Variants in AFG2A observed in about 807,000 individuals in gnomAD.
AFG2A encodes the protein AAA ATPase AFG2A, also known as ATPase family gene 2 protein homolog A.
chr4:123,069,894 T>C, the AFG2A span, among the ~76,000 whole-genome samples: 1 of 152,188 alleles, frequency 6.6e-6, no homozygotes, highest in South Asian at 2.1e-4. Context: ...AAATCTCTAT[T>C]AGGAGTGTAT....
the AFG2A span, among the ~76,000 whole-genome samples, chr4:123,286,662 C>T: frequency 3.3e-5 from 5 of 152,096 alleles, no homozygotes; most frequent in African/African-American, 1.2e-4. Flanking sequence ...TGGGAAACAT[C>T]ACTTTTTCAC....
chr4:123,006,887 G>T, the AFG2A span, among the ~76,000 whole-genome samples: 1 of 92,202 alleles, frequency 1.1e-5, no homozygotes, highest in African/African-American at 3.6e-5. Context: ...CTGTTTCTTT[G>T]CATGCTTGTT....
the AFG2A span, among the ~76,000 whole-genome samples, chr4:123,169,378 C>T: frequency 6.6e-6 from 1 of 152,192 alleles, no homozygotes; most frequent in Non-Finnish European, 1.5e-5. Context: ...ATATTTTAAA[C>T]TATTAATCAT....
chr4:123,029,211 C>T, the AFG2A span, among the ~76,000 whole-genome samples: 1 of 152,176 alleles, frequency 6.6e-6, no homozygotes, highest in South Asian at 2.1e-4. Context: ...CATTCTCCTG[C>T]CTCAGCCTCC....
At chr4:123,115,444 C>T in the AFG2A span, among the ~76,000 whole-genome samples, 1 of 152,152 alleles carries the variant, frequency 6.6e-6, no homozygotes, top group Admixed American at 6.5e-5. Context: ...GAAGCGGGCG[C>T]CACTCCCGCT....
chr4:123,293,607 C>T, the AFG2A span, among the ~76,000 whole-genome samples: 1 of 152,160 alleles, frequency 6.6e-6, no homozygotes, highest in Non-Finnish European at 1.5e-5. Context: ...GGATCCTGAG[C>T]AGAACAAAGT....
At chr4:122,947,589 C>T in the AFG2A span, 1 of 1,298,084 alleles carries the variant, frequency 7.7e-7, no homozygotes, top group Non-Finnish European at 1.0e-6. Flanking sequence ...ATGGAAGTAG[C>T]TTTGTTTCTA....
chr4:123,069,869 A>G, the AFG2A span, among the ~76,000 whole-genome samples: 1 of 152,236 alleles, frequency 6.6e-6, no homozygotes, highest in Non-Finnish European at 1.5e-5. Context: ...ACAATCTCCT[A>G]GTAATACAGC....
chr4:122,974,164 A>G, the AFG2A span, among the ~76,000 whole-genome samples: 1 of 151,866 alleles, frequency 6.6e-6, no homozygotes, highest in African/African-American at 2.4e-5. Flanking sequence ...TTATAATATT[A>G]AATATACTTT....
At chr4:123,156,280 T>TA in the AFG2A span, among the ~76,000 whole-genome samples, 1 of 152,062 alleles carries the variant, frequency 6.6e-6, no homozygotes, top group Non-Finnish European at 1.5e-5. Flanking sequence ...GAAGTTGTAA[T>TA]ATAGAAGTTT....
chr4:122,928,790 A>G, the AFG2A span, among the ~76,000 whole-genome samples: 224 of 152,194 alleles, frequency 1.5e-3, 8 homozygotes, highest in South Asian at 0.045. Flanking sequence ...CTGTGGGATC[A>G]TTCTTGATCT....
the AFG2A span, among the ~76,000 whole-genome samples, chr4:123,283,361 AG>A: frequency 2.1e-5 from 1 of 46,896 alleles, no homozygotes; most frequent in Non-Finnish European, 7.6e-5. Context: ...AAAAAAAAAG[AG>A]AGAGAGAGAG....
At chr4:122,937,173 A>C in the AFG2A span, among the ~76,000 whole-genome samples, 1 of 152,078 alleles carries the variant, frequency 6.6e-6, no homozygotes, top group South Asian at 2.1e-4. Context: ...CAAAATCAAA[A>C]CAGTGGTAGA....
At chr4:123,083,074 T>C in the AFG2A span, among the ~76,000 whole-genome samples, 2 of 152,160 alleles carry the variant, frequency 1.3e-5, no homozygotes, top group Non-Finnish European at 2.9e-5. Context: ...TTCACACTTT[T>C]TACATAGATG....
At chr4:123,066,828 G>A in the AFG2A span, among the ~76,000 whole-genome samples, 18 of 152,234 alleles carry the variant, frequency 1.2e-4, no homozygotes, top group East Asian at 7.7e-4. Context: ...CAAATGCTGA[G>A]GAAAACAAAG....
chr4:122,993,499 C>G, the AFG2A span, among the ~76,000 whole-genome samples: 2 of 151,970 alleles, frequency 1.3e-5, no homozygotes, highest in African/African-American at 2.4e-5. Flanking sequence ...GTCTATTTTT[C>G]CATACCATTG....
chr4:123,207,137 G>T, the AFG2A span, among the ~76,000 whole-genome samples: 3 of 152,046 alleles, frequency 2.0e-5, no homozygotes, highest in Non-Finnish European at 4.4e-5. Context: ...GCATTCTAGA[G>T]AATTATATTT....
the AFG2A span, among the ~76,000 whole-genome samples, chr4:123,193,508 C>G: frequency 7.9e-5 from 12 of 152,102 alleles, no homozygotes; most frequent in Non-Finnish European, 1.5e-4. Flanking sequence ...ACAATCTTTA[C>G]TTTTAAAGCA....
the AFG2A span, chr4:122,929,224 C>G: frequency 6.5e-7 from 1 of 1,544,196 alleles, no homozygotes; most frequent in Non-Finnish European, 8.7e-7. Flanking sequence ...TGGTGACTAT[C>G]TGGATCAAAG....
Sources: allele counts gnomAD v4.1 joint callset (sites outside exome capture counted in the v4.1 genomes callset), GRCh38; gene constraint gnomAD v4.1.1; transcripts MANE v1.5; gene names NCBI Gene and HGNC (gene_info 2026-07-23, HGNC 2026-07-21).